TTC13: variants seen among roughly 807,000 people sequenced by gnomAD.
TTC13 encodes the protein tetratricopeptide repeat domain 13.
A neutral mutation model predicts 120.0 loss-of-function variants in TTC13; 62 were observed. The observed-to-expected ratio is 0.52, with a 90% CI of 0.42 to 0.64. The LOEUF is 0.64. Ranked by LOEUF, TTC13 falls within the 30% of genes least tolerant of loss-of-function variation. The pLI is 0.00. For missense variants in TTC13, 824 were observed against 1,050.2 expected (o/e 0.78, Z 2.98); for synonymous variants, 384 against 393.5 (o/e 0.98, Z 0.28).
intron 9 of TTC13, among the ~76,000 whole-genome samples, chr1:230,933,275 C>T (rs1673732537): frequency 6.9e-6 from 1 of 145,736 alleles, no homozygotes; most frequent in Non-Finnish European, 1.5e-5. Context: ...TCCCGGCTTA[C>T]TTTTTTTTTT....
chr1:230,962,528 T>C (rs1415652148), intron 1 of TTC13, among the ~76,000 whole-genome samples: 1 of 152,170 alleles, frequency 6.6e-6, no homozygotes, highest in Non-Finnish European at 1.5e-5. Context: ...ACACCAGTTA[T>C]GGAAAATAGT....
At position 230,924,930 on chromosome 1, in the gene TTC13, A is replaced by G. The variant is rs749689338; in HGVS notation, c.1632T>C (p.Arg544=). ...TTCGAACTTTCGAGTTGGTCCATGT[A>G]CGCTGCACGGCTTGCATGACCTCCA... ...AALEVMQAVQ[R]TWTNSKVRMN... is the part of the protein sequence containing the mutation. The change falls in exon 14 of 23, where the codon CGT becomes CGC. Residue 544 remains arginine, a synonymous_variant. Coordinates refer to ENST00000366661, the MANE Select transcript of TTC13 (RefSeq NM_024525.5). The G allele has an allele frequency of 6.2e-7, 1 of 1,614,222 alleles. No homozygotes were observed. Among genetic ancestry groups the G allele is most frequent in the Non-Finnish European group, 8.5e-7 (1 of 1,180,040 alleles).
chr1:230,908,430 T>C (rs1671149741), intron 22 of TTC13: 2 of 502,522 alleles, frequency 4.0e-6, no homozygotes, highest in South Asian at 3.3e-5. Context: ...CCTCAAATGA[T>C]CCTTCCACCT....
chr1:230,946,541 G>A (rs1675016318), intron 4 of TTC13, among the ~76,000 whole-genome samples: 1 of 152,216 alleles, frequency 6.6e-6, no homozygotes, highest in Non-Finnish European at 1.5e-5. Flanking sequence ...AACCCAGACA[G>A]CAGATTGGAC....
intron 18 of TTC13, among the ~76,000 whole-genome samples, chr1:230,915,287 G>A (rs1671905377): frequency 6.6e-6 from 1 of 152,130 alleles, no homozygotes; most frequent in South Asian, 2.1e-4. Flanking sequence ...TCACTGCTGA[G>A]CAGGTGGAAA....
rs1671194688 is a variant in TTC13, at chr1:230,908,740, CT to C, written c.2439del (p.Val814SerfsTer6). 2 of 1,613,530 alleles carry C rather than the reference CT, an allele frequency of 1.2e-6. No homozygotes were observed. Among genetic ancestry groups the C allele is most frequent in the Non-Finnish European group, 1.7e-6 (2 of 1,179,566 alleles). On this transcript the variant is annotated frameshift_variant, in exon 22 of 23. Transcript: ENST00000366661. LOFTEE classifies it high-confidence loss of function. ...TTCAAGTTCATCCAGCTTTTGGCGA[CT>C]TTGCTAAAGGCCTCTGAACCAGGGG... ...MTAPGSEAFS[K>X]VAKSWMNLKS...
chr1:230,919,586 T>C (rs1473762966), intron 17 of TTC13, among the ~76,000 whole-genome samples: 1 of 152,234 alleles, frequency 6.6e-6, no homozygotes, highest in African/African-American at 2.4e-5. Flanking sequence ...TTGCCTTTCT[T>C]TAAAGGGTAA....
intron 4 of TTC13, among the ~76,000 whole-genome samples, chr1:230,948,284 T>C (rs543710742): frequency 6.7e-6 from 1 of 150,018 alleles, no homozygotes; most frequent in African/African-American, 2.5e-5. Flanking sequence ...TAGGACTTCC[T>C]ATACACAATG....
chr1:230,971,557 CCTG>C (rs1252266033), intron 1 of TTC13, among the ~76,000 whole-genome samples: 1 of 152,096 alleles, frequency 6.6e-6, no homozygotes, highest in African/African-American at 2.4e-5. Flanking sequence ...ATAGACACTG[CCTG>C]CTGATTATTA....
chr1:230,930,976 A>G (rs1029445927), intron 11 of TTC13, among the ~76,000 whole-genome samples: 12 of 152,224 alleles, frequency 7.9e-5, no homozygotes, highest in African/African-American at 2.7e-4. Flanking sequence ...CCCTTCCTGT[A>G]TTCTTGGATG....
intron 10 of TTC13, 100 bp downstream of exon 10, chr1:230,931,636 A>G (rs1673568730): frequency 6.7e-7 from 1 of 1,496,490 alleles, no homozygotes; most frequent in African/African-American, 1.4e-5. Flanking sequence ...TTGGAGTAGA[A>G]ACACTATTCT....
At chr1:230,966,523 C>T (rs934198480) in intron 1 of TTC13, among the ~76,000 whole-genome samples, 3 of 152,130 alleles carry the variant, frequency 2.0e-5, no homozygotes, top group Admixed American at 2.0e-4. Context: ...TGATTCAATA[C>T]ATATTTGTTG....
intron 1 of TTC13, among the ~76,000 whole-genome samples, chr1:230,970,297 G>GA (rs1159966592): frequency 6.6e-6 from 1 of 152,244 alleles, no homozygotes; most frequent in Non-Finnish European, 1.5e-5. Context: ...GAAGGTCCAA[G>GA]AGAGAGTGGA....
chr1:230,937,637 G>A (rs1674182740), intron 8 of TTC13, among the ~76,000 whole-genome samples: 1 of 152,218 alleles, frequency 6.6e-6, no homozygotes, highest in South Asian at 2.1e-4. Context: ...GGAATGTGAG[G>A]TTTATGAAAT....
intron 11 of TTC13, among the ~76,000 whole-genome samples, chr1:230,930,354 G>A (rs1465539072): frequency 6.6e-6 from 1 of 151,820 alleles, no homozygotes; most frequent in East Asian, 1.9e-4. Flanking sequence ...CTTTTTTAAT[G>A]TGGCTACCAC....
chr1:230,941,682 A>G (rs1029703133), intron 6 of TTC13, among the ~76,000 whole-genome samples: 12 of 152,218 alleles, frequency 7.9e-5, no homozygotes, highest in African/African-American at 2.9e-4. Flanking sequence ...CCAGCAAGAA[A>G]GAGGATTCAG....
intron 9 of TTC13, among the ~76,000 whole-genome samples, chr1:230,933,047 A>ACCGCAACCTCTGACTCC (rs760826059): frequency 1.6e-3 from 237 of 152,186 alleles, no homozygotes; most frequent in Admixed American, 1.8e-3. Context: ...ATCTTGGCTC[A>ACCGCAACCTCTGACTCC]CCGCAACCTC....
At chr1:230,933,933 G>A in intron 8 of TTC13, 72 bp from the exon 9 acceptor site, 2 of 983,634 alleles carry the variant, frequency 2.0e-6, no homozygotes, top group East Asian at 2.6e-5. Flanking sequence ...AATCATAAAA[G>A]GATTTAAATA....
intron 1 of TTC13, among the ~76,000 whole-genome samples, chr1:230,972,596 T>C (rs1358381900): frequency 6.6e-6 from 1 of 152,198 alleles, no homozygotes; most frequent in African/African-American, 2.4e-5. Context: ...AAACTGTCTG[T>C]ACATTGAGTG....
Sources: gnomAD v4.1 joint callset for allele counts (sites outside exome capture counted in the v4.1 genomes callset) on GRCh38, gnomAD v4.1.1 for gene constraint, MANE v1.5 for transcripts, NCBI Gene and HGNC (gene_info 2026-07-23, HGNC 2026-07-21) for gene names.